Variants in BNIP2 observed in about 807,000 individuals in gnomAD.
The protein encoded by BNIP2 is BCL2 interacting protein 2, also known as BCL2/adenovirus E1B 19 kDa protein-interacting protein 2.
BNIP2 carries 36 observed loss-of-function variants against 43.4 expected under a neutral mutation model. The observed-to-expected ratio is 0.83, with a 90% CI of 0.64 to 1.10. The LOEUF is 1.10. BNIP2 is among the 50% of genes least tolerant of loss of function. The pLI is 0.00. For missense variants in BNIP2, 417 were observed against 374.1 expected (o/e 1.11, Z -0.95); for synonymous variants, 146 against 121.0 (o/e 1.21, Z -1.35).
intron 5 of BNIP2, chr15:59,677,302 C>T (rs1423161210): frequency 7.0e-6 from 11 of 1,578,438 alleles, no homozygotes; most frequent in African/African-American, 2.7e-5. Flanking sequence ...CACCAGAAAG[C>T]CACATCAACA....
chr15:59,687,503 G>C (rs1894099931), intron 1 of BNIP2, among the ~76,000 whole-genome samples: 1 of 151,848 alleles, frequency 6.6e-6, no homozygotes, highest in African/African-American at 2.4e-5. Flanking sequence ...AGGCACGAGC[G>C]ACCATGCCTG....
At position 59,660,623 on chromosome 15, in the gene BNIP2, C is replaced by G. The variant is rs1892204734; in HGVS notation, c.*3446G>C. The G allele has an allele frequency of 1.3e-5, 2 of 152,144 alleles. No individual in the cohort carries two copies. The highest frequency in any genetic ancestry group is 2.4e-5 in the African/African-American group (1 of 41,438). 9.4% of individuals were successfully genotyped at this position (152,144 alleles called of 1,614,324 possible). A position where few individuals can be genotyped will look rare whatever the true frequency, so the allele number is the denominator to read the frequency against. On this transcript the variant is annotated 3_prime_UTR_variant, in exon 10 of 10. Coordinates refer to ENST00000607373, the MANE Select transcript of BNIP2 (RefSeq NM_004330.4). ...TATAGTCTTTTTAAAAGGCCTCTAT[C>G]AAAAAGCAGATCTCTTACCTTTTTA...
Position 59,679,768 on chromosome 15 carries a change from C to T in BNIP2, c.119G>A (p.Gly40Asp). 1 of 1,478,752 alleles carries T rather than the reference C, an allele frequency of 6.8e-7. No homozygotes were observed. The highest frequency in any genetic ancestry group is 2.6e-5 in the East Asian group (1 of 38,790). The allele number at this position is 1,478,752 out of a possible 1,614,324, so 91.6% of individuals were successfully genotyped here. A position where few individuals can be genotyped will look rare whatever the true frequency, so the allele number is the denominator to read the frequency against. ...TTTATTTCCATTAACTTCTAGTGAG[C>T]CTGGAATTGGAAAATAAAGAAAAAG... ...LAITGPEDQPGSLEVNGNKVR... is the reference protein window; with the variant it reads ...LAITGPEDQPDSLEVNGNKVR... The change falls in exon 4 of 10, where the codon GGC (glycine) becomes GAC (aspartate). Residue 40 changes from glycine to aspartate, a missense_variant and splice_region_variant. Gly to Asp is a moderately conservative substitution (Grantham distance 94). Coordinates refer to ENST00000607373, the MANE Select transcript of BNIP2 (RefSeq NM_004330.4).
At chr15:59,688,066 T>A (rs549547419) in intron 1 of BNIP2, among the ~76,000 whole-genome samples, 1 of 152,304 alleles carries the variant, frequency 6.6e-6, no homozygotes, top group South Asian at 2.1e-4. Context: ...CTAGTTCAAG[T>A]TCCGTTTGCA....
intron 5 of BNIP2, chr15:59,677,021 A>G: frequency 6.2e-7 from 1 of 1,612,178 alleles, no homozygotes; most frequent in Non-Finnish European, 8.5e-7. Context: ...TGATCAGGAG[A>G]CTGTTAATCA....
rs1462289316 is a variant in BNIP2, at chr15:59,660,661, A to T, written c.*3408T>A. ...TCTTACCTTTTTAAATTCTGGAATT[A>T]CGGTTAAAAAAATTCTAGCTACAGA... On this transcript the variant is annotated 3_prime_UTR_variant, in exon 10 of 10. Transcript: ENST00000607373. 6.6e-6 allele frequency: 1 copy of T among 152,242 alleles called. No homozygotes were observed. Among genetic ancestry groups the T allele is most frequent in the African/African-American group, 2.4e-5 (1 of 41,470 alleles). The allele number at this position is 152,242 out of a possible 1,614,324, so 9.4% of individuals were successfully genotyped here.
At chr15:59,682,354 A>G in intron 2 of BNIP2, 54 bp downstream of exon 2, 1 of 1,516,982 alleles carries the variant, frequency 6.6e-7, no homozygotes, top group South Asian at 1.2e-5. Context: ...CATCTCGATA[A>G]AGAAATTTTG....
In BNIP2 at chr15:59,679,705, G is replaced by A. The variant is rs1893534193; in HGVS notation, c.182C>T (p.Thr61Ile). 1.2e-6 allele frequency: 2 copies of A among 1,603,754 alleles called. No homozygotes were observed. The highest frequency in any genetic ancestry group is 2.7e-5 in the African/African-American group (2 of 74,178). Residue 61 changes from threonine (T) to isoleucine (I), a missense_variant, in exon 4 of 10, where the codon ACA becomes ATA. By Grantham distance (89) the Thr-to-Ile change is moderately conservative. Coordinates refer to ENST00000607373, the MANE Select transcript of BNIP2 (RefSeq NM_004330.4). The stretch of plus-strand genomic sequence containing the variant: ...TACAGAGCCATCACTAGGATCCAGT[G>A]TCAGGCTAATGTCTGGAGCCATTAG... ...KKLMAPDISL[T>I]LDPSDGSVLS...
At chr15:59,683,121 CAT>C (rs1339572443) in intron 1 of BNIP2, among the ~76,000 whole-genome samples, 1 of 152,218 alleles carries the variant, frequency 6.6e-6, no homozygotes, top group Admixed American at 6.5e-5. Context: ...TATAGCTCGG[CAT>C]ATGTTTTCAA....
chr15:59,678,069 T>C lies in BNIP2; in HGVS notation c.314A>G (p.Lys105Arg). The C allele has an allele frequency of 1.9e-6, 3 of 1,603,138 alleles. No individual in the cohort carries two copies. Among genetic ancestry groups the C allele is most frequent in the Non-Finnish European group, 2.5e-6 (3 of 1,177,218 alleles). Residue 105 changes from lysine (K) to arginine (R), a missense_variant, in exon 5 of 10, where the codon AAG becomes AGG. Transcript: ENST00000607373. ...FEWEDDLPKPKTTEVIRKGSI... is the reference protein window; with the variant it reads ...FEWEDDLPKPRTTEVIRKGSI... ...GCCTTTCCTAATTACTTCAGTAGTC[T>C]TGGGTTTTGGAAGATCATCTGTCAA...
At chr15:59,668,642 A>G in intron 9 of BNIP2, 1 of 404,452 alleles carries the variant, frequency 2.5e-6, no homozygotes, top group East Asian at 4.3e-5. Flanking sequence ...CTATAAAAGT[A>G]TAACATGAAT....
At position 59,680,254 on chromosome 15, in the gene BNIP2, T is replaced by C. The variant is rs774023373; in HGVS notation, c.105A>G (p.Pro35=). 7.5e-6 allele frequency: 12 copies of C among 1,596,812 alleles called. No individual in the cohort carries two copies. The South Asian group carries it at 1.2e-4, about 17-fold the overall frequency. ...TCAAGCTCTTACCAGGCTGGTCCTC[T>C]GGTCCAGTTATAGCTAGTATATCTG... The part of the protein sequence containing the change: ...IEADILAITG[P]EDQPGSLEVN... Residue 35 remains proline (P), a synonymous_variant, in exon 3 of 10, where the codon CCA becomes CCG. Coordinates refer to ENST00000607373, the MANE Select transcript of BNIP2 (RefSeq NM_004330.4).
At chr15:59,673,433 T>A (rs1445587314) in intron 5 of BNIP2, among the ~76,000 whole-genome samples, 1 of 151,350 alleles carries the variant, frequency 6.6e-6, no homozygotes, top group Admixed American at 6.6e-5. Context: ...CTTTTTTAAA[T>A]TTTTTTTTAG....
intron 3 of BNIP2, 130 bp from the exon 4 acceptor site, chr15:59,679,898 T>G: frequency 1.2e-6 from 1 of 864,572 alleles, no homozygotes; most frequent in South Asian, 2.1e-5. Flanking sequence ...TCAAAGCACC[T>G]ATTCACAAAA....
intron 1 of BNIP2, among the ~76,000 whole-genome samples, chr15:59,686,289 C>G (rs926166360): frequency 3.3e-5 from 5 of 152,192 alleles, no homozygotes; most frequent in East Asian, 3.8e-4. Context: ...GTGGCTCACT[C>G]CTGTAATCCT....
intron 7 of BNIP2, among the ~76,000 whole-genome samples, chr15:59,670,052 C>T (rs1008808837): frequency 6.6e-6 from 1 of 152,294 alleles, no homozygotes; most frequent in East Asian, 1.9e-4. Flanking sequence ...ACATTCCTTC[C>T]ATTAAGTACT....
At chr15:59,675,533 C>T (rs989422769) in intron 5 of BNIP2, among the ~76,000 whole-genome samples, 9 of 151,958 alleles carry the variant, frequency 5.9e-5, no homozygotes, top group East Asian at 1.9e-4. Context: ...TCCCTTGAAC[C>T]GAGGAGGCAG....
chr15:59,676,877 C>G (rs1038982457), intron 5 of BNIP2: 4 of 1,592,612 alleles, frequency 2.5e-6, no homozygotes, highest in Non-Finnish European at 3.4e-6. Flanking sequence ...GCTGCGTTCG[C>G]TCACCGCTGT....
intron 5 of BNIP2, 126 bp from the exon 6 acceptor site, chr15:59,672,865 A>ATG: frequency 1.6e-6 from 1 of 625,362 alleles, no homozygotes; most frequent in Non-Finnish European, 2.7e-6. Context: ...TATTAAATGT[A>ATG]TGTTTTGTAA....
Sources: allele counts gnomAD v4.1 joint callset (sites outside exome capture counted in the v4.1 genomes callset), GRCh38; gene constraint gnomAD v4.1.1; transcripts MANE v1.5; gene names NCBI Gene and HGNC (gene_info 2026-07-23, HGNC 2026-07-21).